The following CACNA2D3 variants were observed in gnomAD, a reference collection of about 807,000 sequenced individuals.
CACNA2D3 encodes the protein voltage-dependent calcium channel subunit alpha-2/delta-3.
Under a neutral mutation model 160.6 loss-of-function variants are expected in CACNA2D3, and 60 were observed. The ratio of observed to expected loss-of-function variants is 0.37; its 90% CI spans 0.30 to 0.46. The LOEUF (loss-of-function observed/expected upper bound fraction) is 0.46. CACNA2D3 is among the 20% of genes least tolerant of loss of function. CACNA2D3 has a pLI of 1.00. For synonymous variants in CACNA2D3, 558 were observed against 492.9 expected (o/e 1.13, Z -1.75); for missense variants, 1,205 against 1,365.0 (o/e 0.88, Z 1.85).
chr3:54,687,135 GTTTTTTTT>G (rs1290353261), intron 11 of CACNA2D3, among the ~76,000 whole-genome samples: 4 of 88,906 alleles, frequency 4.5e-5, no homozygotes, highest in Admixed American at 2.7e-4. Flanking sequence ...TTTTTTTTTT[GTTTTTTTT>G]TTTTTTTGTT....
intron 3 of CACNA2D3, among the ~76,000 whole-genome samples, chr3:54,364,755 T>A (rs1698800566): frequency 6.6e-6 from 1 of 152,200 alleles, no homozygotes; most frequent in Non-Finnish European, 1.5e-5. Flanking sequence ...ACTGTACTTG[T>A]TCCAAACTAA....
chr3:54,640,820 C>A (rs970384307), intron 10 of CACNA2D3, among the ~76,000 whole-genome samples: 1 of 152,146 alleles, frequency 6.6e-6, no homozygotes, highest in Admixed American at 6.5e-5. Flanking sequence ...CAGATCCACC[C>A]GAACTAGCCT....
intron 4 of CACNA2D3, among the ~76,000 whole-genome samples, chr3:54,449,108 G>A (rs1700264932): frequency 6.6e-6 from 1 of 152,146 alleles, no homozygotes; most frequent in South Asian, 2.1e-4. Context: ...AGTTCTGTAG[G>A]TTAGGTTGCA....
chr3:54,147,342 T>TA (rs1343198554), intron 2 of CACNA2D3, among the ~76,000 whole-genome samples: 35 of 152,234 alleles, frequency 2.3e-4, no homozygotes, highest in Admixed American at 2.3e-3. Flanking sequence ...CTTCTGACTC[T>TA]AAAAACCAGT....
intron 12 of CACNA2D3, among the ~76,000 whole-genome samples, chr3:54,761,870 G>T (rs1180806698): frequency 6.6e-6 from 1 of 152,160 alleles, no homozygotes; most frequent in Non-Finnish European, 1.5e-5. Flanking sequence ...GCTGGCCTTT[G>T]TTTGGAAATC....
chr3:54,435,778 A>G (rs1700050589), intron 4 of CACNA2D3, among the ~76,000 whole-genome samples: 2 of 152,266 alleles, frequency 1.3e-5, no homozygotes, highest in African/African-American at 4.8e-5. Flanking sequence ...TGTTGGAATT[A>G]TCTAACAAGA....
intron 11 of CACNA2D3, among the ~76,000 whole-genome samples, chr3:54,643,789 C>T (rs936495901): frequency 6.6e-6 from 1 of 152,142 alleles, no homozygotes; most frequent in Non-Finnish European, 1.5e-5. Context: ...AATGCACAGC[C>T]CTGCCAGGTG....
intron 4 of CACNA2D3, among the ~76,000 whole-genome samples, chr3:54,430,172 A>G (rs1458729924): frequency 6.6e-6 from 1 of 152,226 alleles, no homozygotes. Context: ...AACATTTACA[A>G]GCCCCAAGCA....
chr3:54,703,818 A>C (rs1700810393), intron 11 of CACNA2D3, among the ~76,000 whole-genome samples: 1 of 152,206 alleles, frequency 6.6e-6, no homozygotes, highest in Non-Finnish European at 1.5e-5. Flanking sequence ...TTAGATAATG[A>C]AACAAGGGCT....
intron 35 of CACNA2D3, among the ~76,000 whole-genome samples, chr3:55,026,657 T>G (rs1703569324): frequency 6.6e-6 from 1 of 152,182 alleles, no homozygotes; most frequent in African/African-American, 2.4e-5. Context: ...AATTGTGGTT[T>G]GGTCAACACA....
chr3:54,244,743 T>C (rs559633594), intron 2 of CACNA2D3, among the ~76,000 whole-genome samples: 26 of 152,354 alleles, frequency 1.7e-4, no homozygotes, highest in African/African-American at 6.3e-4. Flanking sequence ...CAAACAGCAA[T>C]TTGCAAGACT....
At chr3:54,256,678 C>G (rs1249851127) in intron 2 of CACNA2D3, among the ~76,000 whole-genome samples, 1 of 148,390 alleles carries the variant, frequency 6.7e-6, no homozygotes, top group African/African-American at 2.5e-5. Flanking sequence ...ATTGTGCTCT[C>G]TGTTACTGAC....
chr3:54,808,812 CAGTG>C (rs1308763358), intron 13 of CACNA2D3, among the ~76,000 whole-genome samples: 2 of 152,072 alleles, frequency 1.3e-5, no homozygotes, highest in East Asian at 3.9e-4. Context: ...AGCAGTGGCT[CAGTG>C]AGAGGGGTTC....
chr3:54,204,452 G>A (rs565693195), intron 2 of CACNA2D3, among the ~76,000 whole-genome samples: 5 of 152,064 alleles, frequency 3.3e-5, no homozygotes, highest in Non-Finnish European at 4.4e-5. Flanking sequence ...GGAAAGCCAC[G>A]AATGTGAAAG....
chr3:54,486,674 A>G (rs968213917), intron 4 of CACNA2D3, among the ~76,000 whole-genome samples: 9 of 152,192 alleles, frequency 5.9e-5, no homozygotes, highest in African/African-American at 2.2e-4. Flanking sequence ...AGCCCAAAGC[A>G]GCAGCACCAC....
chr3:54,451,127 C>G (rs146015769), intron 4 of CACNA2D3, among the ~76,000 whole-genome samples: 1 of 151,042 alleles, frequency 6.6e-6, no homozygotes, highest in Admixed American at 6.6e-5. Context: ...ACCTCAACCT[C>G]TTGGCCCTGC....
chr3:54,921,873 C>T (rs1700861324), intron 27 of CACNA2D3, among the ~76,000 whole-genome samples: 1 of 150,746 alleles, frequency 6.6e-6, no homozygotes, highest in South Asian at 2.1e-4. Context: ...GTCGGTTAGC[C>T]TGCCCTAATA....
intron 13 of CACNA2D3, among the ~76,000 whole-genome samples, chr3:54,805,229 C>CA (rs757684822): frequency 6.6e-6 from 1 of 151,970 alleles, no homozygotes; most frequent in Non-Finnish European, 1.5e-5. Flanking sequence ...AATAGAGACA[C>CA]AAAAAACCCT....
In CACNA2D3 at chr3:54,665,312, A is replaced by T. The variant is rs562438987; in HGVS notation, c.1167+23071A>T. Reference sequence around the variant, plus strand: ...ACATAATTAGTTGACTTCTCAAAGGAGTTCTAATTATGCCTATGGAATAAG... The same window carrying T: ...ACATAATTAGTTGACTTCTCAAAGGTGTTCTAATTATGCCTATGGAATAAG... On this transcript the variant is annotated intron_variant, in intron 11 of 37. Coordinates refer to ENST00000474759, the MANE Select transcript of CACNA2D3 (RefSeq NM_018398.3). 1.3e-3 allele frequency among the ~76,000 whole-genome samples: 196 copies of T among 152,310 alleles called. 1 individual carries two copies. Among genetic ancestry groups the T allele is most frequent in the Admixed American group, 3.1e-3 (47 of 15,300 alleles).
Sources: gnomAD v4.1 joint callset for allele counts (sites outside exome capture counted in the v4.1 genomes callset) on GRCh38, gnomAD v4.1.1 for gene constraint, MANE v1.5 for transcripts, NCBI Gene and HGNC (gene_info 2026-07-23, HGNC 2026-07-21) for gene names.